Variants in CDH19 observed in about 807,000 individuals in gnomAD.
CDH19 encodes the protein cadherin 19.
Under a neutral mutation model 64.2 loss-of-function variants are expected in CDH19, and 67 were observed. That is an observed-to-expected ratio of 1.04 (90% CI 0.86 to 1.28). The LOEUF (loss-of-function observed/expected upper bound fraction) is 1.28. CDH19 is among the 50% of genes most tolerant of loss of function. The pLI is 0.00. For missense variants in CDH19, 1,030 were observed against 929.0 expected (o/e 1.11, Z -1.41); for synonymous variants, 346 against 319.3 (o/e 1.08, Z -0.89).
In CDH19 at chr18:66,572,117, T is replaced by A. The variant is rs1988124742; in HGVS notation, c.88A>T (p.Lys30Ter). The A allele has an allele frequency of 1.2e-6, 2 of 1,611,712 alleles. No individual in the cohort carries two copies. Among genetic ancestry groups the A allele is most frequent in the Admixed American group, 1.7e-5 (1 of 59,728 alleles). ...TGAGATCGCACTGGCTGCTTGACTT[T>A]CTTTGTTTGAGAGTTTTCTGTTGCT... is the stretch of plus-strand genomic sequence containing the variant. ...LGATENSQTKKVKQPVRSHLR... is the reference protein window; with the variant it reads ...LGATENSQTK Residue 30 changes from lysine (K) to a stop codon, truncating the protein, a stop_gained, in exon 2 of 12, where the codon AAA becomes TAA. Coordinates refer to ENST00000262150, the MANE Select transcript of CDH19 (RefSeq NM_021153.4). LOFTEE classifies it high-confidence loss of function.
intron 7 of CDH19, among the ~76,000 whole-genome samples, chr18:66,535,404 G>T (rs1321978103): frequency 6.6e-6 from 1 of 151,202 alleles, no homozygotes. Context: ...GCCTAGACGA[G>T]TATTGATCTC....
Position 66,563,691 on chromosome 18 carries a change from C to T in CDH19, c.490+4725G>A, listed in dbSNP as rs368922534. On this transcript the variant is annotated intron_variant, in intron 3 of 11. Coordinates refer to ENST00000262150, the MANE Select transcript of CDH19 (RefSeq NM_021153.4). The stretch of plus-strand genomic sequence containing the variant: ...TTCTACCAGTACTGACTGACCCATT[C>T]TTGCTGCATTTATACTTGAGCTGCA... 2.0e-4 allele frequency among the ~76,000 whole-genome samples: 31 copies of T among 152,084 alleles called. 1 individual carries two copies. In the South Asian group the frequency reaches 6.2e-3, roughly 31 times the overall value.
chr18:66,506,771 T>A (rs1879525586), intron 11 of CDH19, among the ~76,000 whole-genome samples: 1 of 151,826 alleles, frequency 6.6e-6, no homozygotes, highest in Admixed American at 6.6e-5. Context: ...CATGTAGGAT[T>A]TGAAACACAC....
chr18:66,604,027 T>C lies in CDH19; in HGVS notation c.-186A>G, dbSNP rs569987321. 1 of 152,018 alleles carries C rather than the reference T, an allele frequency of 6.6e-6. No homozygotes were observed. Among genetic ancestry groups the C allele is most frequent in the African/African-American group, 2.4e-5 (1 of 41,434 alleles). 9.4% of individuals were successfully genotyped at this position (152,018 alleles called of 1,614,324 possible). A position where few individuals can be genotyped will look rare whatever the true frequency, so the allele number is the denominator to read the frequency against. ...TTCGTGTTGGACACATAAGGAAGAG[T>C]AGGAAAAACTTTCTTCTTTTTGCTT... is the stretch of plus-strand genomic sequence containing the variant. On this transcript the variant is annotated 5_prime_UTR_variant, in exon 1 of 12. Transcript: ENST00000262150.
chr18:66,522,025 C>T (rs771568361), intron 9 of CDH19, among the ~76,000 whole-genome samples: 37 of 151,756 alleles, frequency 2.4e-4, no homozygotes, highest in Non-Finnish European at 4.1e-4. Context: ...CGGCTCACTG[C>T]AAGCTCCGCC....
intron 1 of CDH19, among the ~76,000 whole-genome samples, chr18:66,588,605 C>CATATATATATATAT (rs1263242803): frequency 0.026 from 2,938 of 114,828 alleles, 457 homozygotes; most frequent in Non-Finnish European, 0.046. Flanking sequence ...TTTTACTAAT[C>CATATATATATATAT]ATATATATCT....
At chr18:66,600,529 T>C (rs1236510105) in intron 1 of CDH19, among the ~76,000 whole-genome samples, 3 of 151,874 alleles carry the variant, frequency 2.0e-5, no homozygotes, top group Non-Finnish European at 4.4e-5. Flanking sequence ...AAAAATGCAA[T>C]ACACACACAC....
intron 1 of CDH19, among the ~76,000 whole-genome samples, chr18:66,573,481 T>C (rs543056498): frequency 4.2e-4 from 63 of 151,800 alleles, no homozygotes; most frequent in African/African-American, 1.4e-3. Context: ...ATGAAGGTCA[T>C]AGAGAAATTC....
chr18:66,582,612 G>A (rs1266392556), intron 1 of CDH19, among the ~76,000 whole-genome samples: 1 of 120,978 alleles, frequency 8.3e-6, no homozygotes, highest in African/African-American at 3.2e-5. Context: ...CTCTCATTAA[G>A]CATATAATTT....
At chr18:66,578,418 C>A (rs571246632) in intron 1 of CDH19, among the ~76,000 whole-genome samples, 1 of 151,902 alleles carries the variant, frequency 6.6e-6, no homozygotes, top group South Asian at 2.1e-4. Context: ...ATTAAAACTA[C>A]AATGAGATAC....
chr18:66,566,059 C>T (rs1277498694), intron 3 of CDH19, among the ~76,000 whole-genome samples: 1 of 151,902 alleles, frequency 6.6e-6, no homozygotes, highest in Non-Finnish European at 1.5e-5. Context: ...GCACTGATAC[C>T]ATGATACCAA....
intron 1 of CDH19, among the ~76,000 whole-genome samples, chr18:66,598,585 G>C (rs917608377): frequency 6.6e-6 from 1 of 152,100 alleles, no homozygotes; most frequent in African/African-American, 2.4e-5. Flanking sequence ...TGCAAGAACA[G>C]AAAATCAAAT....
At chr18:66,585,804 T>A (rs909543586) in intron 1 of CDH19, among the ~76,000 whole-genome samples, 1 of 151,992 alleles carries the variant, frequency 6.6e-6, no homozygotes, top group Non-Finnish European at 1.5e-5. Context: ...TATTTGAATG[T>A]CATTATTTTT....
At chr18:66,600,908 TAGA>T (rs1389680727) in intron 1 of CDH19, among the ~76,000 whole-genome samples, 1 of 151,880 alleles carries the variant, frequency 6.6e-6, no homozygotes, top group Non-Finnish European at 1.5e-5. Context: ...AAGTGTTATT[TAGA>T]AGAAGGGGAA....
chr18:66,524,555 TATA>T (rs1986140602), intron 9 of CDH19, among the ~76,000 whole-genome samples: 1 of 139,532 alleles, frequency 7.2e-6, no homozygotes, highest in East Asian at 2.1e-4. Context: ...TATATATATA[TATA>T]TATATATATA....
chr18:66,524,528 G>A (rs1436854554), intron 9 of CDH19, among the ~76,000 whole-genome samples: 10 of 114,050 alleles, frequency 8.8e-5, no homozygotes, highest in Admixed American at 7.4e-4. Flanking sequence ...CAATATATGC[G>A]TGTATGTTTG....
At chr18:66,506,025 G>A (rs968285495) in intron 11 of CDH19, among the ~76,000 whole-genome samples, 1 of 151,956 alleles carries the variant, frequency 6.6e-6, no homozygotes, top group African/African-American at 2.4e-5. Context: ...CAGCAACATA[G>A]ATGAACCTGC....
intron 9 of CDH19, among the ~76,000 whole-genome samples, chr18:66,523,193 A>G (rs1986068481): frequency 6.6e-6 from 1 of 152,304 alleles, no homozygotes; most frequent in African/African-American, 2.4e-5. Flanking sequence ...TATCTAGGAC[A>G]GGAAATGTGA....
At position 66,529,903 on chromosome 18, in the gene CDH19, G is replaced by A. The variant is rs147521124; in HGVS notation, c.1400C>T (p.Ala467Val). 1.8e-4 allele frequency: 292 copies of A among 1,589,070 alleles called. No individual in the cohort carries two copies. The highest frequency in any genetic ancestry group is 2.3e-4 in the Non-Finnish European group (273 of 1,162,426). The change falls in exon 9 of 12, where the codon GCT becomes GTT. Residue 467 changes from alanine (A) to valine (V), a missense_variant. Transcript: ENST00000262150. The stretch of plus-strand genomic sequence containing the variant: ...CTCATAGTATTGAGAGAACTCAGGA[G>A]CATGATCATTGATGTTAAGAACTTG... ...YVQVLNINDH[A>V]PEFSQYYETY...
Sources: allele counts gnomAD v4.1 joint callset (sites outside exome capture counted in the v4.1 genomes callset), GRCh38; gene constraint gnomAD v4.1.1; transcripts MANE v1.5; gene names NCBI Gene and HGNC (gene_info 2026-07-23, HGNC 2026-07-21).